Variants in TPRG1 observed in about 807,000 individuals in gnomAD.
The protein encoded by TPRG1 is tumor protein p63 regulated 1.
In TPRG1, 29 loss-of-function variants were observed where a neutral mutation model predicts 29.3. That is an observed-to-expected ratio of 0.99 (90% CI 0.74 to 1.35). TPRG1 has a LOEUF of 1.35. Ranked by LOEUF, TPRG1 falls within the 40% of genes most tolerant of loss-of-function variation. The pLI is 0.00. For synonymous variants in TPRG1, 130 were observed against 116.8 expected, an observed-to-expected ratio of 1.11 and a Z score of -0.73; for missense variants, 327 against 335.0, an observed-to-expected ratio of 0.98 and a Z score of 0.19.
Position 189,274,589 on chromosome 3 carries a change from A to T in TPRG1, c.479+35680A>T, listed in dbSNP as rs149673120. On this transcript the variant is annotated intron_variant, in intron 4 of 5. Coordinates refer to ENST00000345063, the MANE Select transcript of TPRG1 (RefSeq NM_198485.4). ...GTAGGGCCCAGATAGTAGCACTGAG[A>T]CTTCTCTGTGACTCTGGTATCAGAG... Among the ~76,000 whole-genome samples, 905 of 152,050 alleles carry T rather than the reference A, an allele frequency of 6.0e-3. 9 individuals carry two copies. Among genetic ancestry groups the T allele is most frequent in the African/African-American group, 0.019 (794 of 41,442 alleles).
chr3:189,228,847 A>G (rs769655278), intron 3 of TPRG1, among the ~76,000 whole-genome samples: 26 of 152,222 alleles, frequency 1.7e-4, no homozygotes, highest in Non-Finnish European at 3.5e-4. Flanking sequence ...TGTATATGAC[A>G]TGATAATCTA....
chr3:189,014,229 T>A (rs1231322190), intron 3 of TPRG1, among the ~76,000 whole-genome samples: 1 of 152,226 alleles, frequency 6.6e-6, no homozygotes, highest in Non-Finnish European at 1.5e-5. Flanking sequence ...GATTTGCTTG[T>A]CTGAACAGGA....
chr3:189,181,877 A>C lies in TPRG1; in HGVS notation c.-10+9746A>C, dbSNP rs186823235. On this transcript the variant is annotated intron_variant, in intron 1 of 5. Coordinates refer to ENST00000345063, the MANE Select transcript of TPRG1 (RefSeq NM_198485.4). ...CTGAGACTGGGCAATTTATGAAAGAAAGAGTTTTAATGGACTTAGAGTTCC... is the reference window on the plus strand; with the variant it reads ...CTGAGACTGGGCAATTTATGAAAGACAGAGTTTTAATGGACTTAGAGTTCC... 1.5e-3 allele frequency among the ~76,000 whole-genome samples: 226 copies of C among 152,330 alleles called. 2 individuals are homozygous for C. The highest frequency in any genetic ancestry group is 1.0e-4 in the Non-Finnish European group (7 of 68,032).
At chr3:189,289,711 C>T (rs1169257668) in intron 4 of TPRG1, among the ~76,000 whole-genome samples, 1 of 152,140 alleles carries the variant, frequency 6.6e-6, no homozygotes, top group African/African-American at 2.4e-5. Flanking sequence ...TTGTATCACC[C>T]TTTCAGTCTT....
chr3:189,294,784 A>C (rs1515078), intron 4 of TPRG1, among the ~76,000 whole-genome samples: 40,443 of 148,926 alleles, frequency 0.27, 6,072 homozygotes, highest in Middle Eastern at 0.36. Flanking sequence ...GTCACCTTTA[A>C]TTACACAACC....
intron 4 of TPRG1, among the ~76,000 whole-genome samples, chr3:189,294,956 A>G (rs1257924872): frequency 1.3e-5 from 2 of 152,040 alleles, no homozygotes; most frequent in Non-Finnish European, 2.9e-5. Context: ...GCACCCATTA[A>G]CTCCTCATTT....
chr3:189,255,797 T>C (rs1711750927), intron 4 of TPRG1, among the ~76,000 whole-genome samples: 1 of 152,262 alleles, frequency 6.6e-6, no homozygotes, highest in Non-Finnish European at 1.5e-5. Flanking sequence ...CTAGATTTTC[T>C]AGTTTATTTG....
At chr3:189,265,446 T>G (rs1713893058) in intron 4 of TPRG1, among the ~76,000 whole-genome samples, 1 of 152,190 alleles carries the variant, frequency 6.6e-6, no homozygotes, top group Non-Finnish European at 1.5e-5. Context: ...CAACTTAAAT[T>G]TTGTCCTCAA....
intron 4 of TPRG1, among the ~76,000 whole-genome samples, chr3:189,072,838 T>C (rs1296800380): frequency 2.6e-5 from 4 of 152,164 alleles, no homozygotes; most frequent in African/African-American, 9.7e-5. Context: ...CTCATGGAAT[T>C]TATTATGTTT....
intron 4 of TPRG1, among the ~76,000 whole-genome samples, chr3:189,286,822 G>A (rs746833951): frequency 4.6e-5 from 7 of 152,120 alleles, no homozygotes; most frequent in Non-Finnish European, 8.8e-5. Flanking sequence ...TTCCTTGGTA[G>A]CTTCCTACTT....
At chr3:189,280,165 C>G (rs1576942346) in intron 4 of TPRG1, among the ~76,000 whole-genome samples, 2 of 151,940 alleles carry the variant, frequency 1.3e-5, no homozygotes, top group East Asian at 3.9e-4. Flanking sequence ...TTGTAAACAA[C>G]AGGACTAGCA....
intron 4 of TPRG1, among the ~76,000 whole-genome samples, chr3:189,082,570 C>T (rs1171912729): frequency 6.6e-6 from 1 of 152,128 alleles, no homozygotes; most frequent in African/African-American, 2.4e-5. Flanking sequence ...ACAACGGATG[C>T]CAAGTCCAAG....
intron 4 of TPRG1, among the ~76,000 whole-genome samples, chr3:189,065,237 A>G (rs1299262152): frequency 1.3e-5 from 2 of 152,080 alleles, no homozygotes; most frequent in African/African-American, 4.8e-5. Flanking sequence ...AAAGAATAAT[A>G]CCAAACATTT....
intron 1 of TPRG1, among the ~76,000 whole-genome samples, chr3:189,113,642 T>G (rs1720817973): frequency 6.6e-6 from 1 of 152,094 alleles, no homozygotes; most frequent in South Asian, 2.1e-4. Flanking sequence ...AATCATGTGG[T>G]TTTTGTCTTT....
intron 3 of TPRG1, among the ~76,000 whole-genome samples, chr3:189,236,175 C>T (rs1739427046): frequency 6.6e-6 from 1 of 152,156 alleles, no homozygotes; most frequent in African/African-American, 2.4e-5. Context: ...ATATTCCTGA[C>T]ATGTAAATTA....
At chr3:189,303,752 C>T (rs1209757068) in intron 4 of TPRG1, among the ~76,000 whole-genome samples, 1 of 152,186 alleles carries the variant, frequency 6.6e-6, no homozygotes, top group African/African-American at 2.4e-5. Flanking sequence ...TGCACAAACA[C>T]ACATATATTC....
upstream of TPRG1, among the ~76,000 whole-genome samples, chr3:189,169,174 T>C (rs1728504634): frequency 6.6e-6 from 1 of 152,172 alleles, no homozygotes; most frequent in African/African-American, 2.4e-5. Context: ...GCTATTATTA[T>C]TATTATTTGA....
In TPRG1 at chr3:189,302,917, G is replaced by A. The variant is rs543352437; in HGVS notation, c.480-7469G>A. ...TTAGAAAAAGAGCAGCTAAAGTCAG[G>A]AATGTTGATAGCAGCAAGAAATGGC... On this transcript the variant is annotated intron_variant, in intron 4 of 5. Coordinates refer to ENST00000345063, the MANE Select transcript of TPRG1 (RefSeq NM_198485.4). Among the ~76,000 whole-genome samples the A allele has an allele frequency of 1.1e-4, 16 of 152,290 alleles. No homozygotes were observed. The South Asian group carries it at 2.3e-3, about 22-fold the overall frequency.
chr3:189,138,381 A>G (rs941204636), intron 3 of TPRG1, among the ~76,000 whole-genome samples: 3 of 152,178 alleles, frequency 2.0e-5, no homozygotes, highest in Non-Finnish European at 4.4e-5. Context: ...AGGGCTAGCT[A>G]CATTAACAAC....
Sources: allele counts gnomAD v4.1 joint callset (sites outside exome capture counted in the v4.1 genomes callset), GRCh38; gene constraint gnomAD v4.1.1; transcripts MANE v1.5; gene names NCBI Gene and HGNC (gene_info 2026-07-23, HGNC 2026-07-21).